Variants in ZFP1 observed in about 807,000 individuals in gnomAD.
The protein encoded by ZFP1 is zinc finger protein 1 homolog.
ZFP1 carries 32 observed loss-of-function variants against 38.5 expected under a neutral mutation model. That is an observed-to-expected ratio of 0.83 (90% CI 0.63 to 1.12). ZFP1 has a LOEUF of 1.12. ZFP1 is among the 50% of genes most tolerant of loss of function. The pLI is 0.00. For synonymous variants in ZFP1, 245 were observed against 168.8 expected, an observed-to-expected ratio of 1.45 and a Z score of -3.50; for missense variants, 616 against 480.8, an observed-to-expected ratio of 1.28 and a Z score of -2.63.
intron 2 of ZFP1, among the ~76,000 whole-genome samples, chr16:75,159,044 A>G (rs1427196541): frequency 2.0e-5 from 3 of 151,612 alleles, no homozygotes; most frequent in Admixed American, 6.6e-5. Context: ...CTACAGGCAC[A>G]TGTCATTATG....
At chr16:75,123,447 G>GTATATATGTA in the ZFP1 span, among the ~76,000 whole-genome samples, 1 of 16,442 alleles carries the variant, frequency 6.1e-5, no homozygotes, top group Non-Finnish European at 1.5e-4. Context: ...GTGTGTGTGT[G>GTATATATGTA]TGTATATGTA....
At chr16:75,139,863 A>C in the ZFP1 span, among the ~76,000 whole-genome samples, 1 of 152,330 alleles carries the variant, frequency 6.6e-6, no homozygotes, top group East Asian at 1.9e-4. Context: ...CCAGCGATGG[A>C]TAGTGGGGAT....
chr16:75,169,204 A>G, intron 3 of ZFP1, 49 bp from the exon 4 acceptor site: 1 of 1,548,178 alleles, frequency 6.5e-7, no homozygotes, highest in Middle Eastern at 1.8e-4. Context: ...CGGTAACATT[A>G]TAGCGGAGGC....
chr16:75,169,373 A>G lies in ZFP1; in HGVS notation c.263A>G (p.Lys88Arg). The change falls in exon 4 of 4, where the codon AAA becomes AGA. Residue 88 changes from lysine (K) to arginine (R), a missense_variant. Physicochemically the swap from Lys to Arg is conservative, Grantham distance 26. Coordinates refer to ENST00000570010, the MANE Select transcript of ZFP1 (RefSeq NM_153688.4). ...GAGGAAAGAGGCGATCTCTTTGGAA[A>G]AGCACTTAATCTGAACACAGACTTT... ...PIEERGDLFG[K>R]ALNLNTDFVS... 3 of 1,614,200 alleles carry G rather than the reference A, an allele frequency of 1.9e-6. No individual in the cohort carries two copies. The highest frequency in any genetic ancestry group is 2.5e-6 in the Non-Finnish European group (3 of 1,180,008).
At chr16:75,136,053 T>G in the ZFP1 span, among the ~76,000 whole-genome samples, 1 of 152,182 alleles carries the variant, frequency 6.6e-6, no homozygotes, top group Non-Finnish European at 1.5e-5. Context: ...TGACCTCAAG[T>G]TATCCACCCA....
chr16:75,141,392 A>T, the ZFP1 span, among the ~76,000 whole-genome samples: 2 of 151,590 alleles, frequency 1.3e-5, no homozygotes, highest in South Asian at 4.2e-4. Flanking sequence ...TTTTAAGCAG[A>T]GACGGGATTT....
chr16:75,148,667 C>T (rs182784343), intron 1 of ZFP1, 24 bp downstream of exon 1: 2 of 152,278 alleles, frequency 1.3e-5, no homozygotes, highest in South Asian at 2.1e-4. Flanking sequence ...TTCCAGGTAG[C>T]TCCGCGCGGC....
At chr16:75,164,967 G>A (rs922567006) in intron 2 of ZFP1, among the ~76,000 whole-genome samples, 1 of 152,066 alleles carries the variant, frequency 6.6e-6, no homozygotes, top group African/African-American at 2.4e-5. Context: ...TACTATGCCC[G>A]GCTAATTTTG....
intron 1 of ZFP1, among the ~76,000 whole-genome samples, chr16:75,150,220 T>TTTTTTTTTTTA (rs2037122553): frequency 6.6e-6 from 1 of 150,800 alleles, no homozygotes. Flanking sequence ...TTTTTTTTTT[T>TTTTTTTTTTTA]TTTTTTGAGA....
rs571404881 is a variant in ZFP1 at position 75,171,334 on chromosome 16, A to G, written c.*1000A>G. On this transcript the variant is annotated 3_prime_UTR_variant, in exon 4 of 4. Transcript: ENST00000570010. ...GACTTTAGAGGAAAAATTATTTTAA[A>G]TAACTGTCAACTGTTTCATTGCTTT... 4.5e-4 allele frequency: 69 copies of G among 152,338 alleles called. No individual in the cohort carries two copies. The highest frequency in any genetic ancestry group is 1.6e-3 in the African/African-American group (66 of 41,576). The allele number at this position is 152,338 out of a possible 1,614,324, so 9.4% of individuals were successfully genotyped here. A position where few individuals can be genotyped will look rare whatever the true frequency, so the allele number is the denominator to read the frequency against.
chr16:75,159,280 CCCTT>C (rs1364969903), intron 2 of ZFP1, among the ~76,000 whole-genome samples: 1 of 105,496 alleles, frequency 9.5e-6, no homozygotes, highest in African/African-American at 3.2e-5. Context: ...TCCCTCACTT[CCCTT>C]CCTTCCCTCC....
the ZFP1 span, among the ~76,000 whole-genome samples, chr16:75,123,747 G>C: frequency 6.6e-6 from 1 of 150,696 alleles, no homozygotes; most frequent in East Asian, 2.0e-4. Context: ...CAAAGTGCTG[G>C]GATTACAGGT....
chr16:75,151,018 C>T (rs1452678273), intron 1 of ZFP1, among the ~76,000 whole-genome samples: 1 of 151,986 alleles, frequency 6.6e-6, no homozygotes, highest in Admixed American at 6.6e-5. Flanking sequence ...CCACCACACT[C>T]AGCTAATTTT....
chr16:75,123,924 T>C, the ZFP1 span, among the ~76,000 whole-genome samples: 3 of 91,290 alleles, frequency 3.3e-5, no homozygotes, highest in Admixed American at 1.1e-4. Context: ...ACCCTGTCTC[T>C]ACTAAAAATA....
At chr16:75,132,749 T>G in the ZFP1 span, 1 of 145,978 alleles carries the variant, frequency 6.9e-6, no homozygotes, top group Non-Finnish European at 1.5e-5. Context: ...CTCTGCCTCC[T>G]GAGTTCAAGT....
intron 1 of ZFP1, among the ~76,000 whole-genome samples, chr16:75,150,837 T>C (rs34543858): frequency 0.78 from 118,876 of 151,756 alleles, 47,703 homozygotes; most frequent in Non-Finnish European, 0.87. Flanking sequence ...GATTGATTGA[T>C]TGATTGAGAC....
At chr16:75,148,980 G>C (rs547504866) in intron 1 of ZFP1, 2 of 151,786 alleles carry the variant, frequency 1.3e-5, no homozygotes, top group Non-Finnish European at 2.9e-5. Context: ...GCGCGCGCGC[G>C]GGACGAGGCC....
intron 2 of ZFP1, among the ~76,000 whole-genome samples, chr16:75,164,506 C>A (rs913996289): frequency 6.6e-6 from 1 of 152,062 alleles, no homozygotes; most frequent in African/African-American, 2.4e-5. Context: ...TGCTGGTTTG[C>A]TGTTGCTTTT....
At chr16:75,152,821 C>A (rs2037275289) in intron 1 of ZFP1, 88 bp from the exon 2 acceptor site, 1 of 1,264,488 alleles carries the variant, frequency 7.9e-7, no homozygotes. Flanking sequence ...CCCAGGTGGT[C>A]TCTAGGGGTT....
Sources: gnomAD v4.1 joint callset for allele counts (sites outside exome capture counted in the v4.1 genomes callset) on GRCh38, gnomAD v4.1.1 for gene constraint, MANE v1.5 for transcripts, NCBI Gene and HGNC (gene_info 2026-07-23, HGNC 2026-07-21) for gene names.